Variants in ANO10 observed in about 807,000 individuals in gnomAD.
ANO10 encodes anoctamin-10.
ANO10 carries 77 observed loss-of-function variants against 74.7 expected under a neutral mutation model. The ratio of observed to expected loss-of-function variants is 1.03; its 90% CI spans 0.86 to 1.25. The LOEUF is 1.25. ANO10 is among the 50% of genes most tolerant of loss of function. The pLI is 0.00. For missense variants in ANO10, 721 were observed against 778.1 expected (o/e 0.93, Z 0.87); for synonymous variants, 279 against 284.9 (o/e 0.98, Z 0.21).
At chr3:43,543,281 A>G (rs2079035046) in intron 11 of ANO10, among the ~76,000 whole-genome samples, 1 of 152,242 alleles carries the variant, frequency 6.6e-6, no homozygotes, top group African/African-American at 2.4e-5. Context: ...ATCTGAAACT[A>G]GGAAAATAAA....
intron 1 of ANO10, among the ~76,000 whole-genome samples, chr3:43,654,399 A>C (rs1028954795): frequency 1.1e-4 from 17 of 152,128 alleles, no homozygotes; most frequent in African/African-American, 4.1e-4. Flanking sequence ...GAGGGTATAT[A>C]ATCTTTAATG....
At chr3:43,368,829 G>A (rs1469943313) in intron 12 of ANO10, among the ~76,000 whole-genome samples, 3 of 152,150 alleles carry the variant, frequency 2.0e-5, no homozygotes, top group Non-Finnish European at 4.4e-5. Context: ...CTACGGGCAT[G>A]AGCCACTGTG....
At chr3:43,508,208 C>G (rs994174363) in intron 11 of ANO10, among the ~76,000 whole-genome samples, 3 of 152,074 alleles carry the variant, frequency 2.0e-5, no homozygotes, top group Admixed American at 2.0e-4. Flanking sequence ...GAGACCTCAT[C>G]AAAATTAAAA....
intron 3 of ANO10, 101 bp downstream of exon 3, chr3:43,600,283 T>A: frequency 7.6e-7 from 1 of 1,316,780 alleles, no homozygotes; most frequent in African/African-American, 1.5e-5. Flanking sequence ...TATTTACTAT[T>A]TGACCCTTTA....
intron 1 of ANO10, among the ~76,000 whole-genome samples, chr3:43,645,508 T>C (rs1159968284): frequency 6.6e-6 from 1 of 151,718 alleles, no homozygotes; most frequent in East Asian, 1.9e-4. Flanking sequence ...AAAAAAAATT[T>C]AAGGTTGAAC....
At chr3:43,622,569 A>G (rs1353418188), upstream of ANO10, among the ~76,000 whole-genome samples, 2 of 152,214 alleles carry the variant, frequency 1.3e-5, no homozygotes, top group Non-Finnish European at 2.9e-5. Flanking sequence ...TTTTATAATT[A>G]AAACCTAACA....
chr3:43,656,417 C>T lies in ANO10; in HGVS notation c.-12+35100G>A, dbSNP rs138699148. On this transcript the variant is annotated intron_variant, in intron 1 of 3. Coordinates refer to the ANO10 transcript ENST00000413397. ...GTGGAGCTGCCTGCCAGTCCTGTGCCGTGCGCTCGCACTCCTCAGCCCTTG... is the reference window on the plus strand; with the variant it reads ...GTGGAGCTGCCTGCCAGTCCTGTGCTGTGCGCTCGCACTCCTCAGCCCTTG... Among the ~76,000 whole-genome samples the T allele has an allele frequency of 3.8e-3, 576 of 152,326 alleles. 4 individuals are homozygous for T. The highest frequency in any genetic ancestry group is 0.013 in the African/African-American group (544 of 41,574).
At chr3:43,644,589 T>C (rs1464335974) in intron 1 of ANO10, among the ~76,000 whole-genome samples, 5 of 152,220 alleles carry the variant, frequency 3.3e-5, no homozygotes, top group Non-Finnish European at 7.3e-5. Context: ...GTGGATGACA[T>C]CACTCAGTAG....
At chr3:43,533,554 T>C (rs531550912) in intron 11 of ANO10, among the ~76,000 whole-genome samples, 1 of 152,212 alleles carries the variant, frequency 6.6e-6, no homozygotes, top group Non-Finnish European at 1.5e-5. Flanking sequence ...AAAACTTTAA[T>C]AAATGCACAA....
At chr3:43,586,602 C>T (rs1212586865) in intron 4 of ANO10, among the ~76,000 whole-genome samples, 1 of 151,626 alleles carries the variant, frequency 6.6e-6, no homozygotes, top group African/African-American at 2.4e-5. Context: ...AAAAATACTG[C>T]CTGGAAAAAA....
intron 4 of ANO10, among the ~76,000 whole-genome samples, chr3:43,587,864 A>T (rs569725045): frequency 6.6e-6 from 1 of 152,344 alleles, no homozygotes; most frequent in South Asian, 2.1e-4. Flanking sequence ...AGTTTAAAAG[A>T]TGCTGAGAGA....
intron 10 of ANO10, chr3:43,551,436 G>T (rs1226214674): frequency 4.4e-6 from 2 of 453,974 alleles, no homozygotes; most frequent in Admixed American, 2.4e-5. Context: ...TGCATTTAAG[G>T]TATATACTTC....
At chr3:43,421,792 C>T (rs1288739167) in intron 12 of ANO10, among the ~76,000 whole-genome samples, 1 of 152,100 alleles carries the variant, frequency 6.6e-6, no homozygotes, top group Non-Finnish European at 1.5e-5. Flanking sequence ...GAGCTGTGAT[C>T]GTGCCACTGC....
chr3:43,688,355 G>C (rs193140363), intron 1 of ANO10, among the ~76,000 whole-genome samples: 297 of 152,262 alleles, frequency 2.0e-3, no homozygotes, highest in Non-Finnish European at 3.9e-3. Context: ...AGGTGGGATT[G>C]TAGGGCATCA....
chr3:43,611,742 C>T (rs1217790022), intron 1 of ANO10, among the ~76,000 whole-genome samples: 1 of 152,084 alleles, frequency 6.6e-6, no homozygotes, highest in Non-Finnish European at 1.5e-5. Context: ...AATATTAAAA[C>T]TCTGGAATTA....
At chr3:43,403,526 G>A (rs982240563) in intron 12 of ANO10, among the ~76,000 whole-genome samples, 2 of 152,336 alleles carry the variant, frequency 1.3e-5, no homozygotes, top group South Asian at 2.1e-4. Flanking sequence ...CTATGGGAAA[G>A]AGAAAGGCAA....
chr3:43,455,493 G>A (rs1451708013), intron 11 of ANO10, among the ~76,000 whole-genome samples: 1 of 151,808 alleles, frequency 6.6e-6, no homozygotes, highest in Admixed American at 6.6e-5. Context: ...GAGGGGGTGA[G>A]TCAGGCCCTT....
intron 11 of ANO10, among the ~76,000 whole-genome samples, chr3:43,494,998 T>A (rs554933710): frequency 6.6e-6 from 1 of 151,644 alleles, no homozygotes; most frequent in African/African-American, 2.4e-5. Context: ...TTAGGAAAAA[T>A]TTTGCCCTAT....
chr3:43,571,862 TAAAA>T (rs35839099), intron 7 of ANO10, among the ~76,000 whole-genome samples: 4 of 118,536 alleles, frequency 3.4e-5, no homozygotes, highest in Non-Finnish European at 3.4e-5. Flanking sequence ...TTTCCTACAT[TAAAA>T]AAAAAAAAAA....
Sources: allele counts gnomAD v4.1 joint callset (sites outside exome capture counted in the v4.1 genomes callset), GRCh38; gene constraint gnomAD v4.1.1; transcripts MANE v1.5; gene names NCBI Gene and HGNC (gene_info 2026-07-23, HGNC 2026-07-21).